Variants in ETV6 observed in about 807,000 individuals in gnomAD.
The protein encoded by ETV6 is transcription factor ETV6.
Under a neutral mutation model 51.1 loss-of-function variants are expected in ETV6, and 16 were observed. That is an observed-to-expected ratio of 0.31 (90% CI 0.21 to 0.48). The LOEUF is 0.48. Ranked by LOEUF, ETV6 falls within the 20% of genes least tolerant of loss-of-function variation. The pLI, the probability that ETV6 is intolerant of heterozygous loss-of-function variation, is 0.99. For missense variants in ETV6, 458 were observed against 594.8 expected (o/e 0.77, Z 2.39); for synonymous variants, 240 against 224.1 (o/e 1.07, Z -0.64).
intron 1 of ETV6, among the ~76,000 whole-genome samples, chr12:11,657,123 GGAA>G (rs1333822115): frequency 6.6e-6 from 1 of 152,096 alleles, no homozygotes; most frequent in Non-Finnish European, 1.5e-5. Flanking sequence ...GCAAATGTAG[GGAA>G]AGAAACAGAG....
At chr12:11,835,042 G>A (rs1946295424) in intron 2 of ETV6, among the ~76,000 whole-genome samples, 1 of 152,208 alleles carries the variant, frequency 6.6e-6, no homozygotes, top group Non-Finnish European at 1.5e-5. Context: ...GGGTCAAAAT[G>A]TACTGATGAA....
At chr12:11,683,714 T>G (rs1479265825) in intron 1 of ETV6, among the ~76,000 whole-genome samples, 1 of 152,234 alleles carries the variant, frequency 6.6e-6, no homozygotes, top group Non-Finnish European at 1.5e-5. Flanking sequence ...GAGCAAACTT[T>G]GAGCCTGAGT....
chr12:11,855,495 C>G (rs1481080490), intron 4 of ETV6, among the ~76,000 whole-genome samples: 7 of 152,196 alleles, frequency 4.6e-5, no homozygotes, highest in African/African-American at 9.7e-5. Flanking sequence ...GTGCAGATTA[C>G]TAGGGACCTC....
intron 3 of ETV6, among the ~76,000 whole-genome samples, chr12:11,841,743 G>C (rs1380819007): frequency 6.6e-6 from 1 of 152,190 alleles, no homozygotes; most frequent in Non-Finnish European, 1.5e-5. Context: ...GCCTGACTTT[G>C]AAAACTTTGA....
chr12:11,790,471 C>T (rs1038088279), intron 2 of ETV6, among the ~76,000 whole-genome samples: 4 of 152,088 alleles, frequency 2.6e-5, no homozygotes, highest in African/African-American at 9.7e-5. Flanking sequence ...GGTCTTTTGT[C>T]TTTGGCTGCT....
chr12:11,856,042 C>T (rs1467989273), intron 4 of ETV6, among the ~76,000 whole-genome samples: 2 of 151,866 alleles, frequency 1.3e-5, no homozygotes, highest in Non-Finnish European at 2.9e-5. Context: ...GGAATTTAGC[C>T]CCATTTTATT....
At chr12:11,806,199 C>G (rs933346644) in intron 2 of ETV6, among the ~76,000 whole-genome samples, 9 of 152,168 alleles carry the variant, frequency 5.9e-5, no homozygotes, top group Admixed American at 3.3e-4. Flanking sequence ...GAATGAACTA[C>G]GTATGCCATC....
intron 6 of ETV6, among the ~76,000 whole-genome samples, chr12:11,885,672 C>G (rs1947172458): frequency 6.6e-6 from 1 of 152,168 alleles, no homozygotes; most frequent in Admixed American, 6.5e-5. Context: ...GCTTTATTAG[C>G]TAGGGCTCCA....
intron 1 of ETV6, among the ~76,000 whole-genome samples, chr12:11,707,394 C>T (rs1264393468): frequency 6.6e-6 from 1 of 152,198 alleles, no homozygotes; most frequent in Non-Finnish European, 1.5e-5. Flanking sequence ...CGCTTCTCTA[C>T]CTGAGCTGGA....
At chr12:11,837,109 T>G (rs547882436) in intron 2 of ETV6, among the ~76,000 whole-genome samples, 4 of 152,370 alleles carry the variant, frequency 2.6e-5, no homozygotes, top group Admixed American at 6.5e-5. Context: ...TCTAGATACG[T>G]GTTTTCAAGG....
chr12:11,803,064 A>C (rs2856336), intron 2 of ETV6, among the ~76,000 whole-genome samples: 22,535 of 152,108 alleles, frequency 0.15, 2,154 homozygotes, highest in African/African-American at 0.26. Context: ...GTTTTCCTGG[A>C]TTGGGGGTTA....
intron 2 of ETV6, chr12:11,826,450 G>C (rs920742660): frequency 2.0e-5 from 3 of 152,152 alleles, no homozygotes; most frequent in African/African-American, 7.2e-5. Flanking sequence ...GAATGATGAC[G>C]GGCCGAAGGG....
intron 1 of ETV6, among the ~76,000 whole-genome samples, chr12:11,741,376 G>T (rs1865806443): frequency 6.6e-6 from 1 of 152,174 alleles, no homozygotes; most frequent in Non-Finnish European, 1.5e-5. Flanking sequence ...ACATGAAGAT[G>T]GACAGACACA....
intron 1 of ETV6, among the ~76,000 whole-genome samples, chr12:11,689,499 G>GA (rs1448076355): frequency 1.3e-5 from 2 of 152,018 alleles, no homozygotes; most frequent in African/African-American, 4.8e-5. Flanking sequence ...TTCTCCAGGA[G>GA]AAAAAACTTG....
intron 1 of ETV6, among the ~76,000 whole-genome samples, chr12:11,692,309 G>C (rs574182422): frequency 6.6e-6 from 1 of 152,234 alleles, no homozygotes; most frequent in South Asian, 2.1e-4. Context: ...TAGCGTGAAA[G>C]CCCTCTCCAG....
chr12:11,732,754 C>T (rs896627584), intron 1 of ETV6, among the ~76,000 whole-genome samples: 8 of 152,176 alleles, frequency 5.3e-5, no homozygotes, highest in African/African-American at 1.9e-4. Context: ...TGTCCCTGAG[C>T]CTGAACACAT....
rs753422664 is a variant in ETV6 at position 11,869,591 on chromosome 12, C to A, written c.631C>A (p.Arg211Ser). The A allele has an allele frequency of 1.2e-6, 2 of 1,614,066 alleles. No individual in the cohort carries two copies. The highest frequency in any genetic ancestry group is 3.3e-5 in the Admixed American group (2 of 60,002). Residue 211 changes from arginine to serine, a missense_variant, in exon 5 of 8, where the codon CGC (arginine) becomes AGC (serine). Around this residue, in one of 4 missense-constraint regions of ETV6, gnomAD observed 293 missense variants for 315.7 expected, o/e 0.93. Coordinates refer to ENST00000396373, the MANE Select transcript of ETV6 (RefSeq NM_001987.5). The surrounding 1 kb of genome is among the most constrained non-coding windows in gnomAD (Gnocchi z 5.0). Reference protein sequence around the residue: ...LRSPLDNMIRRLSPAERAQGP... With the variant: ...LRSPLDNMIRSLSPAERAQGP... ...GTCCCCCCTGGACAACATGATCCGC[C>A]GCCTCTCCCCGGCTGAGAGAGCTCA...
At chr12:11,679,715 A>G (rs1336903390) in intron 1 of ETV6, among the ~76,000 whole-genome samples, 2 of 152,174 alleles carry the variant, frequency 1.3e-5, no homozygotes. Context: ...AGTTTCCATT[A>G]TTTGTAACAT....
At chr12:11,889,591 T>G (rs1363011601) in intron 7 of ETV6, among the ~76,000 whole-genome samples, 1 of 152,160 alleles carries the variant, frequency 6.6e-6, no homozygotes, top group Non-Finnish European at 1.5e-5. Flanking sequence ...AGGACTCAAC[T>G]CGTGAGAAGA....
Sources: gnomAD v4.1 joint callset for allele counts (sites outside exome capture counted in the v4.1 genomes callset) on GRCh38, gnomAD v4.1.1 for gene constraint, gnomAD v4.1.1 regional missense constraint, Gnocchi (gnomAD v3.1) non-coding constraint, MANE v1.5 for transcripts, NCBI Gene and HGNC (gene_info 2026-07-23, HGNC 2026-07-21) for gene names.